The following TPP2 variants were observed in gnomAD, a reference collection of about 807,000 sequenced individuals.
TPP2 encodes tripeptidyl peptidase 2.
A neutral mutation model predicts 155.9 loss-of-function variants in TPP2; 34 were observed. The observed-to-expected ratio is 0.22, with a 90% confidence interval of 0.17 to 0.29. TPP2 has a LOEUF of 0.29. TPP2 is among the 10% of genes least tolerant of loss of function. TPP2 has a pLI of 1.00. For missense variants in TPP2, 1,028 were observed against 1,522.3 expected (o/e 0.68, Z 5.40); for synonymous variants, 510 against 529.4 (o/e 0.96, Z 0.50).
chr13:102,624,994 G>A (rs1380878368), intron 6 of TPP2, among the ~76,000 whole-genome samples: 1 of 149,936 alleles, frequency 6.7e-6, no homozygotes, highest in Non-Finnish European at 1.5e-5. Context: ...TGGGTAGCTG[G>A]GATTACAGGC....
intron 15 of TPP2, among the ~76,000 whole-genome samples, chr13:102,639,497 C>G (rs1195430082): frequency 2.0e-5 from 3 of 152,202 alleles, no homozygotes; most frequent in Admixed American, 2.0e-4. Flanking sequence ...CAGGAGTCAG[C>G]TGCCACGCCA....
At chr13:102,657,591 CT>C (rs1352192194) in intron 25 of TPP2, among the ~76,000 whole-genome samples, 3 of 151,820 alleles carry the variant, frequency 2.0e-5, no homozygotes, top group Non-Finnish European at 4.4e-5. Context: ...TTTTCAGTTA[CT>C]TTTTTATTAT....
At position 102,597,091 on chromosome 13, in the gene TPP2, A is replaced by G. The variant is rs1343743340; in HGVS notation, c.53A>G (p.Lys18Arg). 1 of 1,611,788 alleles carries G rather than the reference A, an allele frequency of 6.2e-7. No homozygotes were observed. The highest frequency in any genetic ancestry group is 2.2e-5 in the East Asian group (1 of 44,782). Residue 18 changes from lysine (K) to arginine (R), a missense_variant, in exon 1 of 30, where the codon AAG becomes AGG. Physicochemically the swap from Lys to Arg is conservative, Grantham distance 26. Around this residue, in one of 7 missense-constraint regions of TPP2, gnomAD observed 300 missense variants for 398.3 expected, o/e 0.75. Coordinates refer to ENST00000376052, the MANE Select transcript of TPP2 (RefSeq NM_001330588.2). ...TTCCCTTTTCACGGTCTCCTGCCGA[A>G]GAAGGAGACCGGAGCCGCCTCCTTC... ...EPFPFHGLLP[K>R]KETGAASFLC...
At chr13:102,609,809 C>T (rs9518795) in intron 2 of TPP2, among the ~76,000 whole-genome samples, 38,269 of 151,980 alleles carry the variant, frequency 0.25, 5,376 homozygotes, top group East Asian at 0.45. Flanking sequence ...TCCCCTGACA[C>T]GAAGGGGTTA....
intron 22 of TPP2, 102 bp from the exon 23 acceptor site, chr13:102,649,306 G>GA: frequency 6.9e-7 from 1 of 1,446,264 alleles, no homozygotes; most frequent in South Asian, 1.3e-5. Flanking sequence ...TTAGCTATGG[G>GA]AATGAATTCA....
chr13:102,599,835 T>A (rs917143734), intron 1 of TPP2, among the ~76,000 whole-genome samples: 41 of 152,100 alleles, frequency 2.7e-4, no homozygotes, highest in African/African-American at 9.9e-4. Context: ...TGGGGCAGCA[T>A]TGGCCAGTAA....
At chr13:102,614,307 T>C (rs1387379308) in intron 3 of TPP2, 111 bp downstream of exon 3, 2 of 950,116 alleles carry the variant, frequency 2.1e-6, no homozygotes, top group Non-Finnish European at 3.0e-6. Flanking sequence ...ATTAACTTAG[T>C]TTTTTGGGTG....
rs375355845 is a variant in TPP2, at chr13:102,643,229, A to G, written c.2028A>G (p.Thr676=). ...VPEGATWAEV[T]VCSCSSEVSA... ...CTTTCTTTCTTATTTTAGAAGTGAC[A>G]GTGTGTTCGTGTTCTTCTGAGGTGT... The change falls in exon 17 of 30, where the codon ACA becomes ACG. Residue 676 remains threonine (T), a synonymous_variant. Transcript: ENST00000376052. The G allele has an allele frequency of 4.4e-6, 7 of 1,593,180 alleles. No homozygotes were observed. In the African/African-American group the frequency reaches 8.2e-5, roughly 19 times the overall value.
chr13:102,618,683 C>G, intron 4 of TPP2, 39 bp from the exon 5 acceptor site: 2 of 1,604,256 alleles, frequency 1.2e-6, no homozygotes, highest in Non-Finnish European at 8.5e-7. Context: ...TTTAGAAGGA[C>G]AGAATGTACT....
At chr13:102,632,708 T>A (rs1460813779) in intron 10 of TPP2, among the ~76,000 whole-genome samples, 1 of 152,192 alleles carries the variant, frequency 6.6e-6, no homozygotes. Context: ...CTGAACACCA[T>A]TAGGCAATAC....
rs200353886 is a variant in TPP2 at position 102,678,484 on chromosome 13, C to T, written c.*168C>T. 1 of 424,458 alleles carries T rather than the reference C, an allele frequency of 2.4e-6. No individual in the cohort carries two copies. Among genetic ancestry groups the T allele is most frequent in the Non-Finnish European group, 3.7e-6 (1 of 269,140 alleles). 26.3% of individuals were successfully genotyped at this position (424,458 alleles called of 1,614,324 possible). On this transcript the variant is annotated 3_prime_UTR_variant, in exon 30 of 30. Transcript: ENST00000376052. Reference sequence around the variant, plus strand: ...GAATTCACTGACGTGTGGCTTAATACATGTAAATCTAGACCTCTGACATCA... The same window carrying T: ...GAATTCACTGACGTGTGGCTTAATATATGTAAATCTAGACCTCTGACATCA...
chr13:102,636,947 A>G lies in TPP2; in HGVS notation c.1679-135A>G, dbSNP rs74112131. 506 of 800,952 alleles carry G rather than the reference A, an allele frequency of 6.3e-4. 4 individuals carry two copies. The African/African-American group carries it at 6.9e-3, about 11-fold the overall frequency. The allele number at this position is 800,952 out of a possible 1,614,324, so 49.6% of individuals were successfully genotyped here. ...GTAAGGAAGATTATTTGACTGTTTT[A>G]TTTAAGCTGTGTTTTGGATGCATTT... On this transcript the variant is annotated intron_variant, in intron 13 of 29. Transcript: ENST00000376052.
At chr13:102,642,065 G>A (rs652199) in intron 16 of TPP2, among the ~76,000 whole-genome samples, 97,988 of 152,064 alleles carry the variant, frequency 0.64, 32,924 homozygotes, top group African/African-American at 0.85. Flanking sequence ...TCTGCCATAC[G>A]CTAATGGTTA....
intron 10 of TPP2, among the ~76,000 whole-genome samples, chr13:102,632,653 C>G (rs759285899): frequency 6.6e-6 from 1 of 152,204 alleles, no homozygotes; most frequent in Non-Finnish European, 1.5e-5. Context: ...ATTCATGACT[C>G]TTTCCAGTTA....
At chr13:102,618,544 A>G (rs1296911268) in intron 4 of TPP2, among the ~76,000 whole-genome samples, 178 bp from the exon 5 acceptor site, 1 of 152,242 alleles carries the variant, frequency 6.6e-6, no homozygotes, top group African/African-American at 2.4e-5. Flanking sequence ...ATCTGTATTA[A>G]TGGGTATCTG....
At chr13:102,670,711 A>G (rs1884918741) in intron 27 of TPP2, among the ~76,000 whole-genome samples, 1 of 152,192 alleles carries the variant, frequency 6.6e-6, no homozygotes, top group South Asian at 2.1e-4. Flanking sequence ...TTTGTAATGT[A>G]TCAGTTATGC....
intron 2 of TPP2, among the ~76,000 whole-genome samples, chr13:102,605,944 G>A (rs888693503): frequency 5.9e-5 from 9 of 152,026 alleles, no homozygotes; most frequent in African/African-American, 1.4e-4. Context: ...GGCTGGTCTC[G>A]AACTCTTGAC....
In TPP2 at chr13:102,627,875, G is replaced by GA. The variant is rs1371031263; in HGVS notation, c.968dup (p.Asp323GlufsTer21). On this transcript the variant is annotated frameshift_variant, in exon 8 of 30. Transcript: ENST00000376052. LOFTEE classifies it high-confidence loss of function. ...GATAGAAGTTATAAATCATAAGTGTGATCTTGTCAACTACAGTTACGGAGA... is the reference window on the plus strand; with the variant it reads ...GATAGAAGTTATAAATCATAAGTGTGAATCTTGTCAACTACAGTTACGGAGA... 1 of 1,613,448 alleles carries GA rather than the reference G, an allele frequency of 6.2e-7. No homozygotes were observed.
chr13:102,659,533 C>T (rs1253314723), intron 25 of TPP2, among the ~76,000 whole-genome samples: 1 of 152,154 alleles, frequency 6.6e-6, no homozygotes, highest in Non-Finnish European at 1.5e-5. Flanking sequence ...TGAGCAGAAA[C>T]AGTAGAGGTC....
Sources: gnomAD v4.1 joint callset for allele counts (sites outside exome capture counted in the v4.1 genomes callset) on GRCh38, gnomAD v4.1.1 for gene constraint, gnomAD v4.1.1 regional missense constraint, MANE v1.5 for transcripts, NCBI Gene and HGNC (gene_info 2026-07-23, HGNC 2026-07-21) for gene names.